The following ZNF608 variants were observed in gnomAD, a reference collection of about 807,000 sequenced individuals.
ZNF608 encodes zinc finger protein 608, also known as renal carcinoma antigen NY-REN-36.
ZNF608 carries 12 observed loss-of-function variants against 109.0 expected under a neutral mutation model. That is an observed-to-expected ratio of 0.11 (90% CI 0.07 to 0.18). ZNF608 has a LOEUF of 0.18. Ranked by LOEUF, ZNF608 falls within the 10% of genes least tolerant of loss-of-function variation. ZNF608 has a pLI of 1.00. For synonymous variants in ZNF608, 732 were observed against 717.4 expected, an observed-to-expected ratio of 1.02 and a Z score of -0.33; for missense variants, 1,707 against 1,879.3, an observed-to-expected ratio of 0.91 and a Z score of 1.70.
intron 2 of ZNF608, among the ~76,000 whole-genome samples, chr5:124,723,054 A>G (rs1392203760): frequency 6.6e-6 from 1 of 150,554 alleles, no homozygotes; most frequent in Admixed American, 6.6e-5. Flanking sequence ...TTTTTGAGAC[A>G]AGGTCTTTCT....
chr5:124,649,263 G>C (rs1328920255), intron 4 of ZNF608, 130 bp from the exon 5 acceptor site: 2 of 735,146 alleles, frequency 2.7e-6, no homozygotes, highest in East Asian at 2.9e-5. Flanking sequence ...TCAAGGAAAA[G>C]ACTGACAATT....
At chr5:124,738,979 A>C (rs1277196924) in intron 2 of ZNF608, among the ~76,000 whole-genome samples, 1 of 152,226 alleles carries the variant, frequency 6.6e-6, no homozygotes, top group African/African-American at 2.4e-5. Flanking sequence ...TAGTAGATTT[A>C]TGATTTAAGT....
rs1274143779 is a variant in ZNF608 at position 124,648,544 on chromosome 5, T to C, written c.1840A>G (p.Thr614Ala). The change falls in exon 5 of 10, where the codon ACA becomes GCA. Residue 614 changes from threonine to alanine, a missense_variant. Thr to Ala is a moderately conservative substitution (Grantham distance 58, BLOSUM62 0). Coordinates refer to ENST00000513986, the MANE Select transcript of ZNF608 (RefSeq NM_020747.3). ...AACTGGTCATAAGCAGATACACTTG[T>C]GCTTGGCTCACTGCATTCAAGTGCC... is the stretch of plus-strand genomic sequence containing the variant. ...NVALECSEPSTSVSAYDQLKA... is the reference protein window; with the variant it reads ...NVALECSEPSASVSAYDQLKA... 11 of 1,614,206 alleles carry C rather than the reference T, an allele frequency of 6.8e-6. No homozygotes were observed. Among genetic ancestry groups the C allele is most frequent in the Non-Finnish European group, 9.3e-6 (11 of 1,180,032 alleles).
At chr5:124,660,169 ACT>A (rs1206509944) in intron 3 of ZNF608, among the ~76,000 whole-genome samples, 1 of 134,314 alleles carries the variant, frequency 7.4e-6, no homozygotes, top group Non-Finnish European at 1.5e-5. Flanking sequence ...GCCTCTCTTA[ACT>A]CTGTGTGTGT....
At chr5:124,650,676 A>G (rs1750737042) in intron 3 of ZNF608, among the ~76,000 whole-genome samples, 1 of 152,262 alleles carries the variant, frequency 6.6e-6, no homozygotes, top group East Asian at 1.9e-4. Flanking sequence ...GCATATTTTA[A>G]TAGAACCTTG....
At chr5:124,692,493 G>A (rs1287514989) in intron 3 of ZNF608, among the ~76,000 whole-genome samples, 21 of 152,348 alleles carry the variant, frequency 1.4e-4, no homozygotes. Flanking sequence ...AGCTGAAGCT[G>A]ATTCAAATAC....
intron 3 of ZNF608, among the ~76,000 whole-genome samples, chr5:124,671,039 A>G (rs1335143700): frequency 6.6e-6 from 1 of 152,166 alleles, no homozygotes; most frequent in African/African-American, 2.4e-5. Flanking sequence ...GTTGCAATTT[A>G]TGAGCAATGT....
At chr5:124,646,383 G>C (rs1750508619) in intron 5 of ZNF608, among the ~76,000 whole-genome samples, 1 of 152,064 alleles carries the variant, frequency 6.6e-6, no homozygotes, top group South Asian at 2.1e-4. Flanking sequence ...TTTAAAAAAA[G>C]AAATTAATGG....
chr5:124,707,201 T>C (rs1031191952), intron 2 of ZNF608, among the ~76,000 whole-genome samples: 7 of 152,144 alleles, frequency 4.6e-5, no homozygotes, highest in Non-Finnish European at 7.4e-5. Flanking sequence ...CCAGTGAGGA[T>C]AGGTGGCCAG....
chr5:124,682,383 C>A (rs546162301), intron 3 of ZNF608, among the ~76,000 whole-genome samples: 57 of 152,116 alleles, frequency 3.7e-4, no homozygotes, highest in Non-Finnish European at 7.8e-4. Flanking sequence ...TACCATGAAT[C>A]CTTTTTTAGG....
At chr5:124,642,638 C>T (rs1198020046) in intron 7 of ZNF608, among the ~76,000 whole-genome samples, 3 of 150,502 alleles carry the variant, frequency 2.0e-5, no homozygotes, top group African/African-American at 7.3e-5. Flanking sequence ...CTAGATGGGG[C>T]TACTAGTTCC....
At position 124,648,424 on chromosome 5, in the gene ZNF608, C is replaced by T. The variant is rs1425385723; in HGVS notation, c.1960G>A (p.Ala654Thr). The T allele has an allele frequency of 6.2e-7, 1 of 1,614,160 alleles. No homozygotes were observed. The highest frequency in any genetic ancestry group is 8.5e-7 in the Non-Finnish European group (1 of 1,180,040). The change falls in exon 5 of 10, where the codon GCT (alanine) becomes ACT (threonine). Residue 654 changes from alanine to threonine, a missense_variant. Physicochemically the swap from Ala to Thr is moderately conservative, Grantham distance 58. Transcript: ENST00000513986. ...MSNGPGSIIGAKAGKNSGKKK... is the reference protein window; with the variant it reads ...MSNGPGSIIGTKAGKNSGKKK... ...TTGCCAGAATTCTTCCCAGCTTTAG[C>T]ACCAATAATGGAACCTGGGCCATTG...
chr5:124,727,702 C>A (rs1314055551), intron 2 of ZNF608, among the ~76,000 whole-genome samples: 1 of 133,970 alleles, frequency 7.5e-6, no homozygotes, highest in Admixed American at 7.6e-5. Context: ...TCAGCCTCAT[C>A]AGTTGTATCT....
chr5:124,715,729 G>T (rs935882499), intron 2 of ZNF608, among the ~76,000 whole-genome samples: 1 of 152,174 alleles, frequency 6.6e-6, no homozygotes, highest in East Asian at 1.9e-4. Context: ...CTTTTCAAAT[G>T]TTATCATTAT....
chr5:124,648,526 C>A lies in ZNF608; in HGVS notation c.1858G>T (p.Asp620Tyr), dbSNP rs373358694. The change falls in exon 5 of 10, where the codon GAC becomes TAC. Residue 620 changes from aspartate (D) to tyrosine (Y), a missense_variant. Coordinates refer to ENST00000513986, the MANE Select transcript of ZNF608 (RefSeq NM_020747.3). ...GGGGATGCCGGTGCCTTCAACTGGT[C>A]ATAAGCAGATACACTTGTGCTTGGC... ...SEPSTSVSAY[D>Y]QLKAPASPGA... 2 of 1,614,206 alleles carry A rather than the reference C, an allele frequency of 1.2e-6. No homozygotes were observed. Among genetic ancestry groups the A allele is most frequent in the Non-Finnish European group, 1.7e-6 (2 of 1,180,044 alleles).
At chr5:124,642,679 G>C (rs956103850) in intron 7 of ZNF608, among the ~76,000 whole-genome samples, 1 of 145,368 alleles carries the variant, frequency 6.9e-6, no homozygotes, top group Non-Finnish European at 1.5e-5. Flanking sequence ...TTTTGAACCA[G>C]ATTTTCTATT....
chr5:124,739,811 T>C (rs1307012141), intron 2 of ZNF608, among the ~76,000 whole-genome samples: 2 of 152,198 alleles, frequency 1.3e-5, no homozygotes, highest in African/African-American at 4.8e-5. Flanking sequence ...TCCCTCTTTT[T>C]CACGCTGAAA....
intron 3 of ZNF608, among the ~76,000 whole-genome samples, chr5:124,665,281 A>T (rs1751432745): frequency 6.6e-6 from 1 of 152,198 alleles, no homozygotes; most frequent in African/African-American, 2.4e-5. Context: ...AATGTTACAA[A>T]TCAGGGCTCT....
chr5:124,646,853 A>G lies in ZNF608; in HGVS notation c.3531T>C (p.Thr1177=). 6.2e-7 allele frequency: 1 copy of G among 1,614,186 alleles called. No individual in the cohort carries two copies. The part of the protein sequence containing the change: ...SKLGPSVPNK[T]EETGKSQLLS... ...GAAGCTGCGATTTACCTGTCTCCTC[A>G]GTTTTATTAGGCACTGATGGCCCTA... is the stretch of plus-strand genomic sequence containing the variant. Residue 1177 remains threonine (T), a synonymous_variant, in exon 5 of 10, where the codon ACT becomes ACC. Transcript: ENST00000513986.
Sources: allele counts gnomAD v4.1 joint callset (sites outside exome capture counted in the v4.1 genomes callset), GRCh38; gene constraint gnomAD v4.1.1; transcripts MANE v1.5; gene names NCBI Gene and HGNC (gene_info 2026-07-23, HGNC 2026-07-21).